The following COL4A2 variants were observed in gnomAD, a reference collection of about 807,000 sequenced individuals.
The protein encoded by COL4A2 is collagen alpha-2(IV) chain.
In COL4A2, 99 loss-of-function variants were observed where a neutral mutation model predicts 200.2. That is an observed-to-expected ratio of 0.49 (90% CI 0.42 to 0.58). The LOEUF (loss-of-function observed/expected upper bound fraction) is 0.58, where lower values mean the gene tolerates loss of function less well. Among genes scored for constraint, COL4A2 ranks in the 20% least tolerant of loss-of-function variants. The pLI, the probability that COL4A2 is intolerant of heterozygous loss-of-function variation, is 0.00. For missense variants in COL4A2, 1,950 were observed against 2,314.1 expected (o/e 0.84, Z 3.23); for synonymous variants, 897 against 900.6 (o/e 1.00, Z 0.07).
Position 110,387,841 on chromosome 13 carries a change from C to T in COL4A2, c.180+30289C>T, listed in dbSNP as rs1878822823. Among the ~76,000 whole-genome samples the T allele has an allele frequency of 1.3e-5, 2 of 152,216 alleles. 1 individual carries two copies. The highest frequency in any genetic ancestry group is 4.1e-4 in the South Asian group (2 of 4,834). On this transcript the variant is annotated intron_variant, in intron 4 of 47. Transcript: ENST00000360467. ...TGCTCAGAGCCACCTCGGCCTCCAC[C>T]TCTGCGGAGCTCTGACCTGCCCTGG...
intron 29 of COL4A2, among the ~76,000 whole-genome samples, chr13:110,474,972 CCA>C (rs948770326): frequency 4.2e-5 from 6 of 143,838 alleles, no homozygotes; most frequent in African/African-American, 1.5e-4. Flanking sequence ...ACGTACATAC[CCA>C]CACACGTGCC....
chr13:110,457,665 G>A, intron 21 of COL4A2: 1 of 660,986 alleles, frequency 1.5e-6, no homozygotes, highest in Non-Finnish European at 2.9e-6. Context: ...CTCTCCATCT[G>A]CCATCCTCGT....
At chr13:110,476,000 G>A (rs532811230) in intron 29 of COL4A2, among the ~76,000 whole-genome samples, 5 of 152,336 alleles carry the variant, frequency 3.3e-5, no homozygotes, top group African/African-American at 9.6e-5. Flanking sequence ...ACATTCACCC[G>A]GAGACCGTGC....
At position 110,465,469 on chromosome 13, in the gene COL4A2, C is replaced by T. The variant is rs1190435633; in HGVS notation, c.1841C>T (p.Thr614Ile). The T allele has an allele frequency of 6.2e-7, 1 of 1,614,022 alleles. No homozygotes were observed. Among genetic ancestry groups the T allele is most frequent in the Non-Finnish European group, 8.5e-7 (1 of 1,180,016 alleles). The change falls in exon 25 of 48, where the codon ACT becomes ATT. Residue 614 changes from threonine to isoleucine, a missense_variant. Thr to Ile is a moderately conservative substitution (Grantham distance 89, BLOSUM62 -1). Transcript: ENST00000360467. ...CCAGGAATACCTGGAACGAAGGGTA[C>T]TCCAGGAGAAATGGGCCCCCCAGGA... ...GYPGIPGTKG[T>I]PGEMGPPGLG...
At chr13:110,475,658 C>T (rs1882675923) in intron 29 of COL4A2, among the ~76,000 whole-genome samples, 1 of 152,234 alleles carries the variant, frequency 6.6e-6, no homozygotes, top group African/African-American at 2.4e-5. Flanking sequence ...TTCCAAGTAA[C>T]TACTTCAGTT....
In COL4A2 at chr13:110,508,338, G is replaced by GAA; in HGVS notation, c.4881+117_4881+118insAA. On this transcript the variant is annotated intron_variant, in intron 47 of 47. Transcript: ENST00000360467. The surrounding 1 kb of genome is among the most constrained non-coding windows in gnomAD (Gnocchi z 6.1). Reference sequence around the variant, plus strand: ...CAGTCCAGGGTGTGCACTGCACAAGGGTAGTTGGCCCAGGAAGCGAGCGAG... The same window carrying GAA: ...CAGTCCAGGGTGTGCACTGCACAAGGAAGTAGTTGGCCCAGGAAGCGAGCGAG... The GAA allele has an allele frequency of 6.7e-7, 1 of 1,500,476 alleles. No homozygotes were observed. The highest frequency in any genetic ancestry group is 9.0e-7 in the Non-Finnish European group (1 of 1,107,094). The allele number at this position is 1,500,476 out of a possible 1,614,324, so 92.9% of individuals were successfully genotyped here. A position where few individuals can be genotyped will look rare whatever the true frequency, so the allele number is the denominator to read the frequency against.
intron 32 of COL4A2, among the ~76,000 whole-genome samples, chr13:110,483,268 G>A (rs1220491482): frequency 6.6e-6 from 1 of 152,202 alleles, no homozygotes; most frequent in Non-Finnish European, 1.5e-5. Context: ...AGTGTGTGTT[G>A]GTGAGGAGGT....
chr13:110,396,173 C>T (rs1879173888), intron 4 of COL4A2, among the ~76,000 whole-genome samples: 1 of 152,168 alleles, frequency 6.6e-6, no homozygotes, highest in Admixed American at 6.5e-5. Context: ...CTAGTTCCTC[C>T]GATTATTAAC....
intron 4 of COL4A2, among the ~76,000 whole-genome samples, chr13:110,373,887 C>T (rs1444838059): frequency 2.0e-5 from 3 of 152,210 alleles, no homozygotes; most frequent in East Asian, 1.9e-4. Flanking sequence ...TTTCTTTTTA[C>T]CCCCTTTTGG....
intron 4 of COL4A2, among the ~76,000 whole-genome samples, chr13:110,389,606 A>T (rs542844222): frequency 8.3e-4 from 126 of 152,180 alleles, no homozygotes; most frequent in Non-Finnish European, 1.5e-3. Context: ...CATGCAAGGG[A>T]AGATGATGGA....
At chr13:110,430,185 A>G in intron 8 of COL4A2, 1 of 661,874 alleles carries the variant, frequency 1.5e-6, no homozygotes, top group Non-Finnish European at 2.2e-6. Flanking sequence ...AAGCCAAATT[A>G]GTACTTGTAG....
intron 29 of COL4A2, 87 bp downstream of exon 29, chr13:110,473,237 G>T: frequency 7.6e-7 from 1 of 1,311,628 alleles, no homozygotes; most frequent in Non-Finnish European, 1.0e-6. Flanking sequence ...GGGGGATTTG[G>T]TAGGAAGCAG....
At chr13:110,368,827 A>T (rs1877867779) in intron 4 of COL4A2, among the ~76,000 whole-genome samples, 1 of 114,784 alleles carries the variant, frequency 8.7e-6, no homozygotes, top group African/African-American at 3.5e-5. Flanking sequence ...TCTAATTCAC[A>T]ATCAACTAAG....
At chr13:110,430,007 T>C (rs1171109740) in intron 8 of COL4A2, 51 bp downstream of exon 8, 1 of 1,504,820 alleles carries the variant, frequency 6.6e-7, no homozygotes, top group Middle Eastern at 1.8e-4. Flanking sequence ...GTGTAAATTC[T>C]CAACTAACAA....
At chr13:110,384,658 A>G (rs755596174) in intron 4 of COL4A2, among the ~76,000 whole-genome samples, 3 of 152,140 alleles carry the variant, frequency 2.0e-5, no homozygotes, top group Non-Finnish European at 4.4e-5. Context: ...GCCCACACCC[A>G]ATGTCACCTT....
Position 110,508,388 on chromosome 13 carries a change from C to A in COL4A2, c.4881+167C>A. The stretch of plus-strand genomic sequence containing the variant: ...GAGCTGGAACACAGCTTACACTTGG[C>A]TAACTGAGCCACATGCTGGGCACAG... On this transcript the variant is annotated intron_variant, in intron 47 of 47. Coordinates refer to ENST00000360467, the MANE Select transcript of COL4A2 (RefSeq NM_001846.4). This position sits in a 1 kb window ranked among gnomAD's most constrained non-coding sequence, Gnocchi z 6.1. The A allele has an allele frequency of 1.8e-6, 2 of 1,089,012 alleles. No homozygotes were observed. The highest frequency in any genetic ancestry group is 2.6e-6 in the Non-Finnish European group (2 of 772,574). 67.5% of individuals were successfully genotyped at this position (1,089,012 alleles called of 1,614,324 possible). A position where few individuals can be genotyped will look rare whatever the true frequency, so the allele number is the denominator to read the frequency against.
chr13:110,427,884 C>T (rs4773184), intron 6 of COL4A2, among the ~76,000 whole-genome samples: 97,873 of 152,104 alleles, frequency 0.64, 31,666 homozygotes, highest in East Asian at 0.79. Context: ...ATCAGCTCTT[C>T]TAAACATGAC....
At chr13:110,414,756 G>A (rs77025829) in intron 4 of COL4A2, among the ~76,000 whole-genome samples, 3,155 of 152,316 alleles carry the variant, frequency 0.021, 102 homozygotes, top group African/African-American at 0.072. Flanking sequence ...TCTATAATCT[G>A]TAAGACTCTT....
Position 110,472,909 on chromosome 13 carries a change from C to T in COL4A2, c.2204-20C>T, listed in dbSNP as rs1882533508. 6.5e-7 allele frequency: 1 copy of T among 1,546,616 alleles called. No homozygotes were observed. Among genetic ancestry groups the T allele is most frequent in the East Asian group, 2.4e-5 (1 of 40,946 alleles). ...ACCATGCTAACTTGTGGTTTGGGGC[C>T]CACCCATGTTTCCTTTTAGGGTTCA... is the stretch of plus-strand genomic sequence containing the variant. On this transcript the variant is annotated intron_variant, in intron 28 of 47. Coordinates refer to ENST00000360467, the MANE Select transcript of COL4A2 (RefSeq NM_001846.4).
Sources: allele counts gnomAD v4.1 joint callset (sites outside exome capture counted in the v4.1 genomes callset), GRCh38; gene constraint gnomAD v4.1.1; non-coding constraint Gnocchi (gnomAD v3.1); transcripts MANE v1.5; gene names NCBI Gene and HGNC (gene_info 2026-07-23, HGNC 2026-07-21).